The following ABCA5 variants were observed in gnomAD, a reference collection of about 807,000 sequenced individuals.
ABCA5 encodes cholesterol transporter ABCA5.
ABCA5 carries 163 observed loss-of-function variants against 206.0 expected under a neutral mutation model. The observed-to-expected ratio is 0.79, with a 90% CI of 0.70 to 0.90. ABCA5 has a LOEUF of 0.90. Ranked by LOEUF, ABCA5 falls within the 40% of genes least tolerant of loss-of-function variation. ABCA5 has a pLI of 0.00. For synonymous variants in ABCA5, 609 were observed against 613.8 expected (o/e 0.99, Z 0.11); for missense variants, 1,859 against 1,912.9 (o/e 0.97, Z 0.53).
rs1031857601 is a variant in ABCA5 at position 69,244,548 on chromosome 17, T to C, written c.*2989A>G. On this transcript the variant is annotated 3_prime_UTR_variant, in exon 39 of 39. Transcript: ENST00000392676. ...TTTTACCTGATAAGAATAGCTGATA[T>C]AAAAATTATTCATCTGAGAATAAAT... is the stretch of plus-strand genomic sequence containing the variant. 3.3e-5 allele frequency: 5 copies of C among 151,766 alleles called. No individual in the cohort carries two copies. The highest frequency in any genetic ancestry group is 1.3e-4 in the Admixed American group (2 of 15,248). The allele number at this position is 151,766 out of a possible 1,614,324, so 9.4% of individuals were successfully genotyped here. A position where few individuals can be genotyped will look rare whatever the true frequency, so the allele number is the denominator to read the frequency against.
chr17:69,284,693 T>C (rs1459146483), intron 17 of ABCA5, among the ~76,000 whole-genome samples: 1 of 152,180 alleles, frequency 6.6e-6, no homozygotes, highest in African/African-American at 2.4e-5. Flanking sequence ...AATGTCTGTC[T>C]TAACAGAAGA....
intron 23 of ABCA5, among the ~76,000 whole-genome samples, chr17:69,266,135 CA>C (rs1044028502): frequency 2.2e-4 from 33 of 151,544 alleles, no homozygotes; most frequent in South Asian, 1.3e-3. Flanking sequence ...GGATGAACTT[CA>C]AAAAAAATGC....
In ABCA5 at chr17:69,309,437, T is replaced by C. The variant is rs140645535; in HGVS notation, c.308-14A>G. On this transcript the variant is annotated splice_polypyrimidine_tract_variant and intron_variant, in intron 3 of 38. Coordinates refer to ENST00000392676, the MANE Select transcript of ABCA5 (RefSeq NM_172232.4). ...CAGTAATTATGACTGTAAGATATCATAACAATATAGTTAGCTCACAAATTA... is the reference window on the plus strand; with the variant it reads ...CAGTAATTATGACTGTAAGATATCACAACAATATAGTTAGCTCACAAATTA... The C allele has an allele frequency of 2.5e-4, 372 of 1,499,852 alleles. No individual in the cohort carries two copies. In the African/African-American group the frequency reaches 4.5e-3, roughly 18 times the overall value. The allele number at this position is 1,499,852 out of a possible 1,614,324, so 92.9% of individuals were successfully genotyped here.
At chr17:69,298,350 A>ACGGAAGGAAG (rs1228360629) in intron 9 of ABCA5, among the ~76,000 whole-genome samples, 1 of 103,984 alleles carries the variant, frequency 9.6e-6, no homozygotes, top group Admixed American at 1.0e-4. Context: ...AAGGAAGGAA[A>ACGGAAGGAAG]GAAGGAAAGA....
chr17:69,290,914 T>C (rs2075518496), intron 12 of ABCA5, among the ~76,000 whole-genome samples: 1 of 152,166 alleles, frequency 6.6e-6, no homozygotes, highest in African/African-American at 2.4e-5. Context: ...TCTATAGTTC[T>C]GATTTAATTT....
Position 69,246,053 on chromosome 17 carries a change from T to C in ABCA5, c.*1484A>G, listed in dbSNP as rs542515816. The C allele has an allele frequency of 1.2e-4, 19 of 152,080 alleles. No individual in the cohort carries two copies. Among genetic ancestry groups the C allele is most frequent in the South Asian group, 2.1e-4 (1 of 4,828 alleles). 9.4% of individuals were successfully genotyped at this position (152,080 alleles called of 1,614,324 possible). A position where few individuals can be genotyped will look rare whatever the true frequency, so the allele number is the denominator to read the frequency against. ...ATTATATATACTTTAGGAAAGTGTA[T>C]AGCAACTGCCCCCAGCAATGGGGGA... On this transcript the variant is annotated 3_prime_UTR_variant, in exon 39 of 39. Coordinates refer to ENST00000392676, the MANE Select transcript of ABCA5 (RefSeq NM_172232.4).
intron 18 of ABCA5, among the ~76,000 whole-genome samples, chr17:69,279,759 C>A (rs2075371711): frequency 6.6e-6 from 1 of 152,070 alleles, no homozygotes; most frequent in Non-Finnish European, 1.5e-5. Context: ...CTTTGACAAA[C>A]CTGAGAAAAA....
At chr17:69,247,915 T>C (rs1037523832) in intron 38 of ABCA5, among the ~76,000 whole-genome samples, 1 of 151,776 alleles carries the variant, frequency 6.6e-6, no homozygotes, top group Non-Finnish European at 1.5e-5. Flanking sequence ...AACACCACCA[T>C]CATGACTCAC....
intron 38 of ABCA5, 46 bp downstream of exon 38, chr17:69,248,216 T>C (rs2074973285): frequency 8.8e-7 from 1 of 1,140,002 alleles, no homozygotes; most frequent in Non-Finnish European, 1.3e-6. Context: ...CGATATCAGA[T>C]ACTTTCTTCT....
intron 34 of ABCA5, 150 bp from the exon 35 acceptor site, chr17:69,252,016 A>ATTT: frequency 1.8e-5 from 11 of 612,554 alleles, no homozygotes; most frequent in Non-Finnish European, 2.9e-5. Flanking sequence ...CCCAACTATG[A>ATTT]TTTTTTTTTT....
At chr17:69,322,611 G>A (rs898066328) in intron 1 of ABCA5, among the ~76,000 whole-genome samples, 4 of 151,882 alleles carry the variant, frequency 2.6e-5, no homozygotes, top group Admixed American at 2.0e-4. Context: ...GCTTTCCTTA[G>A]AAGAGCCTCT....
Position 69,255,686 on chromosome 17 carries a change from A to T in ABCA5, c.3976+47T>A, listed in dbSNP as rs1209604597. 4 of 1,575,320 alleles carry T rather than the reference A, an allele frequency of 2.5e-6. No homozygotes were observed. The South Asian group carries it at 4.8e-5, about 19-fold the overall frequency. On this transcript the variant is annotated intron_variant, in intron 30 of 38. Transcript: ENST00000392676. ...CATAATCAAATCATACTAAAAGTAG[A>T]AATTACTCTTCTAGAAAAGTTATGT... is the stretch of plus-strand genomic sequence containing the variant.
At chr17:69,249,831 T>G in intron 37 of ABCA5, 74 bp downstream of exon 37, 1 of 1,455,842 alleles carries the variant, frequency 6.9e-7, no homozygotes, top group Non-Finnish European at 9.3e-7. Flanking sequence ...TCTTCCAGCT[T>G]AAAAAAAGAT....
In ABCA5 at chr17:69,304,757, A is replaced by G; in HGVS notation, c.842T>C (p.Met281Thr). The change falls in exon 7 of 39, where the codon ATG becomes ACG. Residue 281 changes from methionine to threonine, a missense_variant. By Grantham distance (81) the Met-to-Thr change is moderately conservative. Coordinates refer to ENST00000392676, the MANE Select transcript of ABCA5 (RefSeq NM_172232.4). ...TSLIFLMSLL[M>T]AVIATASLLF... The stretch of plus-strand genomic sequence containing the variant: ...CAAAGAAGCTGTCGCAATGACTGCC[A>G]TAAGAAGGGACATAAGAAAAATTAA... 3.7e-6 allele frequency: 6 copies of G among 1,609,184 alleles called. No individual in the cohort carries two copies. Among genetic ancestry groups the G allele is most frequent in the South Asian group, 1.1e-5 (1 of 90,154 alleles).
chr17:69,272,181 A>G lies in ABCA5; in HGVS notation c.2765-892T>C, dbSNP rs560830589. On this transcript the variant is annotated intron_variant, in intron 20 of 38. Coordinates refer to ENST00000392676, the MANE Select transcript of ABCA5 (RefSeq NM_172232.4). Reference sequence around the variant, plus strand: ...ACTTTACTCCCAACCTAGTACCTTAACTGATCTCTTATCTCTAACTTGCAA... The same window carrying G: ...ACTTTACTCCCAACCTAGTACCTTAGCTGATCTCTTATCTCTAACTTGCAA... Among the ~76,000 whole-genome samples the G allele has an allele frequency of 2.6e-5, 4 of 152,244 alleles. No homozygotes were observed. The East Asian group carries it at 7.7e-4, about 29-fold the overall frequency.
chr17:69,322,211 A>C (rs577029836), intron 1 of ABCA5, among the ~76,000 whole-genome samples: 16 of 152,028 alleles, frequency 1.1e-4, no homozygotes, highest in South Asian at 2.1e-4. Context: ...CTCTACTAAA[A>C]ATACAAAAAT....
rs540695467 is a variant in ABCA5, at chr17:69,268,126, A to G, written c.3031-70T>C. On this transcript the variant is annotated intron_variant, in intron 22 of 38. Coordinates refer to ENST00000392676, the MANE Select transcript of ABCA5 (RefSeq NM_172232.4). ...TATATCTTAAGATATATCTTAGGAT[A>G]TATCTTATATCAAAAAAAAATCAAA... The G allele has an allele frequency of 1.5e-4, 100 of 665,312 alleles. No homozygotes were observed. In the African/African-American group the frequency reaches 1.7e-3, roughly 11 times the overall value. 41.2% of individuals were successfully genotyped at this position (665,312 alleles called of 1,614,324 possible).
intron 23 of ABCA5, 31 bp downstream of exon 23, chr17:69,267,912 G>C (rs1174499010): frequency 7.7e-7 from 1 of 1,303,060 alleles, no homozygotes. Context: ...CTTCTTATTA[G>C]CAAATTATAT....
intron 3 of ABCA5, among the ~76,000 whole-genome samples, chr17:69,309,984 T>C (rs1386987940): frequency 6.6e-6 from 1 of 152,206 alleles, no homozygotes; most frequent in Non-Finnish European, 1.5e-5. Context: ...ATATGAAATA[T>C]AGTATAAAAC....
Sources: gnomAD v4.1 joint callset for allele counts (sites outside exome capture counted in the v4.1 genomes callset) on GRCh38, gnomAD v4.1.1 for gene constraint, MANE v1.5 for transcripts, NCBI Gene and HGNC (gene_info 2026-07-23, HGNC 2026-07-21) for gene names.